PPEF1: variants seen among roughly 807,000 people sequenced by gnomAD.
PPEF1 encodes the protein protein phosphatase with EF-hand domain 1.
In PPEF1, 12 loss-of-function variants were observed where a neutral mutation model predicts 53.3. That is an observed-to-expected ratio of 0.23 (90% CI 0.14 to 0.36). PPEF1 has a LOEUF of 0.36. PPEF1 is among the 10% of genes least tolerant of loss of function. The pLI is 1.00. For synonymous variants in PPEF1, 165 were observed against 176.7 expected (o/e 0.93, Z 0.52); for missense variants, 334 against 490.4 (o/e 0.68, Z 3.01).
chrX:18,814,321 T>G (rs1397202451), intron 12 of PPEF1, among the ~76,000 whole-genome samples: 1 of 111,967 alleles, frequency 8.9e-6, no homozygotes, highest in African/African-American at 3.2e-5. Flanking sequence ...CATGTGTTTT[T>G]GGTACAATGA....
rs750378024 is a variant in PPEF1 at position 18,824,015 on chromosome X, A to G, written c.1594A>G (p.Ile532Val). The G allele has an allele frequency of 2.7e-5, 32 of 1,206,471 alleles. No individual in the cohort carries two copies. The highest frequency in any genetic ancestry group is 3.5e-5 in the Non-Finnish European group (31 of 891,144). Residue 532 changes from isoleucine to valine, a missense_variant, in exon 14 of 16, where the codon ATA (isoleucine) becomes GTA (valine). By Grantham distance (29) the Ile-to-Val change is conservative (BLOSUM62 3). Coordinates refer to ENST00000470157, the MANE Select transcript of PPEF1 (RefSeq NM_001377996.1). The stretch of plus-strand genomic sequence containing the variant: ...ATCCCTCAGTTCGAATCTGGTAAAC[A>G]TAGACCAAAATGGAAACGTTGAATA... ...WRSLSSNLVN[I>V]DQNGNVEYMS... is the part of the protein sequence containing the mutation.
chrX:18,766,030 A>G (rs1405306050), intron 6 of PPEF1, among the ~76,000 whole-genome samples: 1 of 102,768 alleles, frequency 9.7e-6, no homozygotes, highest in African/African-American at 3.6e-5. Flanking sequence ...GCACCATTGC[A>G]CTTCAGCCTG....
At chrX:18,698,595 G>A (rs2147258756) in intron 5 of PPEF1, among the ~76,000 whole-genome samples, 1 of 111,805 alleles carries the variant, frequency 8.9e-6, no homozygotes, top group African/African-American at 3.2e-5. Context: ...CACTAGCATG[G>A]CCAACATGGT....
chrX:18,764,462 C>G (rs1466360595), intron 6 of PPEF1, among the ~76,000 whole-genome samples: 1 of 111,195 alleles, frequency 9.0e-6, no homozygotes, highest in East Asian at 2.9e-4. Flanking sequence ...GTCAGGAGTG[C>G]TGCTGTGCTC....
intron 12 of PPEF1, among the ~76,000 whole-genome samples, chrX:18,811,643 G>C (rs1442343212): frequency 1.3e-4 from 12 of 91,955 alleles, no homozygotes; most frequent in African/African-American, 4.1e-4. Flanking sequence ...TTTGAGACAG[G>C]GTCTCACTTT....
At chrX:18,732,783 G>A (rs2044868015) in intron 2 of PPEF1, among the ~76,000 whole-genome samples, 1 of 112,288 alleles carries the variant, frequency 8.9e-6, no homozygotes, top group South Asian at 3.6e-4. Context: ...GATACCTGGT[G>A]GCCATAGAGC....
exon 3 of PPEF1, chrX:18,686,207 C>T (rs1316709079): frequency 8.9e-6 from 1 of 111,824 alleles, no homozygotes; most frequent in East Asian, 2.8e-4. Flanking sequence ...CAGTTTCAAA[C>T]GAATCTGGTT....
At chrX:18,687,876 A>G (rs1249364727) in intron 3 of PPEF1, among the ~76,000 whole-genome samples, 1 of 109,663 alleles carries the variant, frequency 9.1e-6, no homozygotes, top group Non-Finnish European at 1.9e-5. Context: ...TTTAGTAGAG[A>G]CGGGGCTTTA....
chrX:18,820,463 G>A (rs1047464791), intron 13 of PPEF1, among the ~76,000 whole-genome samples: 1 of 107,574 alleles, frequency 9.3e-6, no homozygotes, highest in Non-Finnish European at 1.9e-5. Flanking sequence ...TCGGCTCACT[G>A]CAACCTCCGC....
intron 9 of PPEF1, among the ~76,000 whole-genome samples, chrX:18,787,588 A>G (rs1415505018): frequency 9.1e-6 from 1 of 110,100 alleles, no homozygotes; most frequent in Non-Finnish European, 1.9e-5. Flanking sequence ...CACATACTTA[A>G]GAGACCATGT....
chrX:18,685,668 G>C (rs1221444439), intron 2 of PPEF1, among the ~76,000 whole-genome samples: 1 of 91,914 alleles, frequency 1.1e-5, no homozygotes, highest in Non-Finnish European at 2.1e-5. Context: ...CTGGGTGAAA[G>C]AGCGAGACTC....
chrX:18,772,850 C>T (rs1309701919), intron 6 of PPEF1, among the ~76,000 whole-genome samples: 1 of 112,315 alleles, frequency 8.9e-6, no homozygotes, highest in East Asian at 2.8e-4. Flanking sequence ...TGGCTGTAGA[C>T]ACAGCATTTC....
chrX:18,749,818 G>A lies in PPEF1; in HGVS notation c.262G>A (p.Glu88Lys), dbSNP rs749250738. Residue 88 changes from glutamate to lysine, a missense_variant, in exon 4 of 16, where the codon GAA (glutamate) becomes AAA (lysine). Glu to Lys is a moderately conservative substitution (Grantham distance 56). Coordinates refer to ENST00000470157, the MANE Select transcript of PPEF1 (RefSeq NM_001377996.1). ...ATTAAGAAATCAGTCTCTTGAAAGC[G>A]AACAGGACATGAGGGATAGATGGGA... Reference protein sequence around the residue: ...LELRNQSLESEQDMRDRWDYV... With the variant: ...LELRNQSLESKQDMRDRWDYV... 5.3e-5 allele frequency: 62 copies of A among 1,161,067 alleles called. No individual in the cohort carries two copies. Among genetic ancestry groups the A allele is most frequent in the East Asian group, 2.8e-4 (9 of 31,817 alleles).
At chrX:18,695,848 A>G (rs1296896131) in intron 4 of PPEF1, among the ~76,000 whole-genome samples, 1 of 112,332 alleles carries the variant, frequency 8.9e-6, no homozygotes, top group African/African-American at 3.2e-5. Flanking sequence ...TTAAAACGTG[A>G]TGGCTGTTTT....
chrX:18,773,242 T>C (rs2147553557), intron 6 of PPEF1, among the ~76,000 whole-genome samples: 1 of 112,546 alleles, frequency 8.9e-6, no homozygotes, highest in South Asian at 3.7e-4. Flanking sequence ...AAAAATGTGT[T>C]CTTTTATTGA....
intron 4 of PPEF1, among the ~76,000 whole-genome samples, chrX:18,692,814 C>T (rs765074037): frequency 1.8e-5 from 2 of 111,727 alleles, no homozygotes; most frequent in African/African-American, 3.3e-5. Context: ...GCAGTCTGTA[C>T]GGCATTTTGA....
upstream of PPEF1, among the ~76,000 whole-genome samples, chrX:18,704,523 A>G (rs1412468720): frequency 3.6e-5 from 4 of 110,821 alleles, no homozygotes; most frequent in African/African-American, 1.3e-4. Flanking sequence ...CACCAGGACT[A>G]GATGAATTCC....
At chrX:18,698,883 T>C (rs1737078675) in intron 5 of PPEF1, among the ~76,000 whole-genome samples, 1 of 111,972 alleles carries the variant, frequency 8.9e-6, no homozygotes, top group South Asian at 3.7e-4. Flanking sequence ...ACAGCACACT[T>C]TGAGCAGCTC....
intron 1 of PPEF1, among the ~76,000 whole-genome samples, chrX:18,677,556 G>A (rs1390413996): frequency 5.4e-5 from 6 of 111,535 alleles, no homozygotes; most frequent in African/African-American, 9.8e-5. Flanking sequence ...TCCAGAATAC[G>A]TGTCCACTTC....
Sources: gnomAD v4.1 joint callset for allele counts (sites outside exome capture counted in the v4.1 genomes callset) on GRCh38, gnomAD v4.1.1 for gene constraint, MANE v1.5 for transcripts, NCBI Gene and HGNC (gene_info 2026-07-23, HGNC 2026-07-21) for gene names.